LNX2: variants seen among roughly 807,000 people sequenced by gnomAD.
LNX2 encodes the protein ligand of numb-protein X 2.
Under a neutral mutation model 66.2 loss-of-function variants are expected in LNX2, and 35 were observed. The ratio of observed to expected loss-of-function variants is 0.53; its 90% CI spans 0.40 to 0.70. The LOEUF (loss-of-function observed/expected upper bound fraction) is 0.70, where lower values mean the gene tolerates loss of function less well. Among genes scored for constraint, LNX2 ranks in the 30% least tolerant of loss-of-function variants. LNX2 has a pLI of 0.00. For synonymous variants in LNX2, 337 were observed against 315.6 expected, an observed-to-expected ratio of 1.07 and a Z score of -0.72; for missense variants, 791 against 850.8, an observed-to-expected ratio of 0.93 and a Z score of 0.87.
At chr13:27,600,149 TCA>T (rs992868129) in intron 1 of LNX2, among the ~76,000 whole-genome samples, 29 of 152,288 alleles carry the variant, frequency 1.9e-4, no homozygotes, top group Non-Finnish European at 1.0e-4. Context: ...TCTGGAGAGC[TCA>T]CAGAGCTCAG....
intron 6 of LNX2, 100 bp downstream of exon 6, chr13:27,559,742 T>C (rs1367022151): frequency 5.9e-6 from 7 of 1,181,458 alleles, no homozygotes; most frequent in Admixed American, 2.7e-5. Flanking sequence ...AACTGCTTTA[T>C]TGAGGTGTGA....
chr13:27,618,648 T>C (rs946125187), intron 1 of LNX2, among the ~76,000 whole-genome samples: 1 of 152,206 alleles, frequency 6.6e-6, no homozygotes, highest in African/African-American at 2.4e-5. Flanking sequence ...TTCAAGTCAA[T>C]TCAGTAAATA....
At chr13:27,583,851 G>A (rs772700127) in intron 1 of LNX2, among the ~76,000 whole-genome samples, 2 of 152,122 alleles carry the variant, frequency 1.3e-5, no homozygotes, top group Admixed American at 6.5e-5. Context: ...AGGGTGTTAC[G>A]TGACTATGGA....
intron 1 of LNX2, among the ~76,000 whole-genome samples, chr13:27,620,149 C>A (rs1221854728): frequency 7.2e-6 from 1 of 138,924 alleles, no homozygotes; most frequent in Non-Finnish European, 1.6e-5. Flanking sequence ...CGGGCGCCGA[C>A]TCTCCCTCCT....
At position 27,567,856 on chromosome 13, in the gene LNX2, GAGAC is replaced by G. The variant is rs1566119314; in HGVS notation, c.656-21_656-18del. The G allele has an allele frequency of 1.2e-6, 2 of 1,605,538 alleles. No individual in the cohort carries two copies. The highest frequency in any genetic ancestry group is 2.2e-5 in the South Asian group (2 of 90,878). On this transcript the variant is annotated intron_variant, in intron 3 of 9. Coordinates refer to ENST00000316334, the MANE Select transcript of LNX2 (RefSeq NM_153371.4). ...GTTGTGTGGCTGCCAAGTTAAAAAT[GAGAC>G]AGACAAAAACAGATGTTAAAAAAAT... is the stretch of plus-strand genomic sequence containing the variant.
At chr13:27,583,261 C>CGCGCGTGGGCGT (rs11281345) in intron 1 of LNX2, among the ~76,000 whole-genome samples, 13,245 of 45,492 alleles carry the variant, frequency 0.29, 4,945 homozygotes, top group African/African-American at 0.44. Context: ...TGTGTGCGCG[C>CGCGCGTGGGCGT]GTCCTCTCCA....
chr13:27,598,104 T>C (rs1037576173), intron 1 of LNX2, among the ~76,000 whole-genome samples: 5 of 151,862 alleles, frequency 3.3e-5, no homozygotes, highest in Non-Finnish European at 5.9e-5. Context: ...TGGGGCACTG[T>C]GCTAAACAAT....
chr13:27,553,182 T>A, intron 8 of LNX2, 26 bp downstream of exon 8: 1 of 1,582,634 alleles, frequency 6.3e-7, no homozygotes, highest in Middle Eastern at 1.7e-4. Flanking sequence ...ATGATTTCCA[T>A]AAAGCAACAA....
At chr13:27,587,449 A>G (rs1228104743) in intron 1 of LNX2, among the ~76,000 whole-genome samples, 1 of 152,198 alleles carries the variant, frequency 6.6e-6, no homozygotes, top group Non-Finnish European at 1.5e-5. Flanking sequence ...GGCATTTAAA[A>G]AAGATTGTTC....
chr13:27,550,488 T>C lies in LNX2; in HGVS notation c.1782A>G (p.Thr594=). The stretch of plus-strand genomic sequence containing the variant: ...AAACTATATCGTGGCAGCTATGAAG[T>C]GTGCTATAAACAAACAGAAAAATAA... The part of the protein sequence containing the change: ...SWVMWLGLPS[T]LHSCHDIVLR... Residue 594 remains threonine, a synonymous_variant, in exon 9 of 10, where the codon ACA becomes ACG. Transcript: ENST00000316334. 1.2e-6 allele frequency: 2 copies of C among 1,610,778 alleles called. No homozygotes were observed. The highest frequency in any genetic ancestry group is 1.7e-6 in the Non-Finnish European group (2 of 1,178,908).
rs116991985 is a variant in LNX2, at chr13:27,581,694, T to C, written c.10A>G (p.Thr4Ala). Residue 4 changes from threonine to alanine, a missense_variant, in exon 2 of 10, where the codon ACA becomes GCA. Physicochemically the swap from Thr to Ala is moderately conservative, Grantham distance 58. Coordinates refer to ENST00000316334, the MANE Select transcript of LNX2 (RefSeq NM_153371.4). ...TCCACAGACACCATCTCATCACTTG[T>C]TGTTCCCATTTTGAATCAATTCTGT... Reference protein sequence around the residue: MGTTSDEMVSVEQT... With the variant: MGTASDEMVSVEQT... 7.5e-6 allele frequency: 12 copies of C among 1,597,256 alleles called. No individual in the cohort carries two copies. Among genetic ancestry groups the C allele is most frequent in the African/African-American group, 4.0e-5 (3 of 74,596 alleles).
intron 1 of LNX2, among the ~76,000 whole-genome samples, chr13:27,586,664 ATAT>A (rs1296647560): frequency 2.6e-5 from 4 of 152,376 alleles, no homozygotes; most frequent in East Asian, 3.9e-4. Flanking sequence ...TTGAGTTCAG[ATAT>A]TATATATCTG....
intron 1 of LNX2, among the ~76,000 whole-genome samples, chr13:27,617,469 G>A (rs192145142): frequency 2.6e-5 from 4 of 152,250 alleles, no homozygotes; most frequent in African/African-American, 7.2e-5. Flanking sequence ...TAAAGATATC[G>A]GGTGGCAATT....
chr13:27,595,361 C>T (rs1413634413), intron 1 of LNX2, among the ~76,000 whole-genome samples: 1 of 152,234 alleles, frequency 6.6e-6, no homozygotes, highest in East Asian at 1.9e-4. Context: ...GTCTTCCCTA[C>T]AGACTGAACA....
chr13:27,610,650 C>T (rs1182922220), intron 1 of LNX2, among the ~76,000 whole-genome samples: 1 of 152,092 alleles, frequency 6.6e-6, no homozygotes, highest in Non-Finnish European at 1.5e-5. Context: ...AATGGGACTA[C>T]ATTAAAATTA....
At chr13:27,577,862 T>C (rs1218342415) in intron 2 of LNX2, among the ~76,000 whole-genome samples, 2 of 152,188 alleles carry the variant, frequency 1.3e-5, no homozygotes, top group Admixed American at 6.5e-5. Flanking sequence ...AGATGAGTGG[T>C]AGAGCGTAGG....
intron 1 of LNX2, among the ~76,000 whole-genome samples, chr13:27,586,023 C>CAT (rs1267236857): frequency 6.8e-6 from 1 of 147,570 alleles, no homozygotes; most frequent in Non-Finnish European, 1.5e-5. Context: ...TATATACTTA[C>CAT]ATACATATAT....
At chr13:27,609,099 T>C (rs375346410) in intron 1 of LNX2, among the ~76,000 whole-genome samples, 43 of 147,244 alleles carry the variant, frequency 2.9e-4, no homozygotes, top group African/African-American at 1.1e-3. Flanking sequence ...GGCCTGTTTT[T>C]CATTAACAGA....
chr13:27,619,435 C>G (rs746684680), intron 1 of LNX2, among the ~76,000 whole-genome samples: 1 of 152,210 alleles, frequency 6.6e-6, no homozygotes, highest in Non-Finnish European at 1.5e-5. Context: ...ATATCAAAAC[C>G]TGTCCTGGGA....
Sources: gnomAD v4.1 joint callset for allele counts (sites outside exome capture counted in the v4.1 genomes callset) on GRCh38, gnomAD v4.1.1 for gene constraint, MANE v1.5 for transcripts, NCBI Gene and HGNC (gene_info 2026-07-23, HGNC 2026-07-21) for gene names.